The following KCNQ1 variants were observed in gnomAD, a reference collection of about 807,000 sequenced individuals.
The protein encoded by KCNQ1 is potassium voltage-gated channel subfamily Q member 1, also known as potassium voltage-gated channel subfamily KQT member 1.
A neutral mutation model predicts 72.4 loss-of-function variants in KCNQ1; 49 were observed. The ratio of observed to expected loss-of-function variants is 0.68; its 90% confidence interval spans 0.54 to 0.86. The LOEUF is 0.86. KCNQ1 is among the 40% of genes least tolerant of loss of function. The probability of loss-of-function intolerance (pLI) is 0.00; values close to 1 mark genes in which losing one functional copy is unlikely to be tolerated. For synonymous variants in KCNQ1, 450 were observed against 412.6 expected (o/e 1.09, Z -1.10); for missense variants, 790 against 945.1 (o/e 0.84, Z 2.15).
chr11:2,648,041 C>T (rs1849693254), intron 10 of KCNQ1: 1 of 393,130 alleles, frequency 2.5e-6, no homozygotes, highest in East Asian at 3.6e-5. Context: ...TGGCAAACCC[C>T]CATCTCTACC....
At chr11:2,528,724 G>A (rs1589931573) in intron 2 of KCNQ1, among the ~76,000 whole-genome samples, 1 of 152,228 alleles carries the variant, frequency 6.6e-6, no homozygotes, top group African/African-American at 2.4e-5. Context: ...TTCCTGTCTT[G>A]TCGTGGAATA....
chr11:2,604,784 C>G (rs945887283), intron 10 of KCNQ1, among the ~76,000 whole-genome samples: 1 of 152,080 alleles, frequency 6.6e-6, no homozygotes, highest in Non-Finnish European at 1.5e-5. Context: ...ACCTCGTGAT[C>G]CACCCGCCTT....
chr11:2,543,909 T>A lies in KCNQ1; in HGVS notation c.477+15891T>A, dbSNP rs922526164. Among the ~76,000 whole-genome samples, 1 of 152,202 alleles carries A rather than the reference T, an allele frequency of 6.6e-6. No homozygotes were observed. Among genetic ancestry groups the A allele is most frequent in the African/African-American group, 2.4e-5 (1 of 41,452 alleles). ...TCCTTTTAAGAGGTTCAGTTTATCA[T>A]AAAATTGTCTCTTTCTGGACACTCT... On this transcript the variant is annotated intron_variant, in intron 2 of 15. Transcript: ENST00000155840. This position sits in a 1 kb window ranked among gnomAD's most constrained non-coding sequence, Gnocchi z 5.6.
chr11:2,465,105 C>T (rs890819865), intron 1 of KCNQ1, among the ~76,000 whole-genome samples: 32 of 152,248 alleles, frequency 2.1e-4, no homozygotes, highest in Non-Finnish European at 3.4e-4. Flanking sequence ...AAAATGCAGT[C>T]CCTCCAGAGC....
At chr11:2,449,484 G>T (rs1185722872) in intron 1 of KCNQ1, among the ~76,000 whole-genome samples, 2 of 152,232 alleles carry the variant, frequency 1.3e-5, no homozygotes, top group Non-Finnish European at 1.5e-5. Context: ...GGGCCGGCCA[G>T]TGCGGGGTCA....
At chr11:2,578,421 T>C (rs1201810866) in intron 6 of KCNQ1, among the ~76,000 whole-genome samples, 2 of 152,210 alleles carry the variant, frequency 1.3e-5, no homozygotes, top group Non-Finnish European at 2.9e-5. Flanking sequence ...CTGGAACCAC[T>C]GAGACAGGCA....
At chr11:2,701,375 C>G (rs893456400) in intron 11 of KCNQ1, among the ~76,000 whole-genome samples, 6 of 152,188 alleles carry the variant, frequency 3.9e-5, no homozygotes, top group Non-Finnish European at 5.9e-5. Context: ...AGTGACACAT[C>G]CCCTGGGCGC....
At chr11:2,729,422 T>G (rs966131471) in intron 11 of KCNQ1, among the ~76,000 whole-genome samples, 1 of 152,224 alleles carries the variant, frequency 6.6e-6, no homozygotes, top group Non-Finnish European at 1.5e-5. Context: ...CCACAAATAC[T>G]GAATGCCTGC....
rs1453916768 is a variant in KCNQ1, at chr11:2,723,230, C to T, written c.1515-45614C>T. On this transcript the variant is annotated intron_variant, in intron 11 of 15. Coordinates refer to ENST00000155840, the MANE Select transcript of KCNQ1 (RefSeq NM_000218.3). The surrounding 1 kb of genome is among the most constrained non-coding windows in gnomAD (Gnocchi z 4.2). ...TCCACACACCTGCCACAGCTGCTTA[C>T]CCCACTCCCTGCCGCCCTGGACAAG... Among the ~76,000 whole-genome samples the T allele has an allele frequency of 6.6e-6, 1 of 152,228 alleles. No homozygotes were observed. The highest frequency in any genetic ancestry group is 1.5e-5 in the Non-Finnish European group (1 of 68,036).
chr11:2,571,381 G>T lies in KCNQ1; in HGVS notation c.661G>T (p.Val221Leu). The change falls in exon 4 of 16, where the codon GTG (valine) becomes TTG (leucine). Residue 221 changes from valine (V) to leucine (L), a missense_variant. Val to Leu is a conservative substitution (Grantham distance 32). Transcript: ENST00000155840. ...VVLCVGSKGQVFATSAIRGIR... is the reference protein window; with the variant it reads ...VVLCVGSKGQLFATSAIRGIR... ...CCTCTGCGTGGGCTCCAAGGGGCAG[G>T]TGTTTGCCACGTCGGCCATCAGGTG... The T allele has an allele frequency of 6.2e-7, 1 of 1,612,654 alleles. No individual in the cohort carries two copies.
chr11:2,707,499 G>A (rs1850929678), intron 11 of KCNQ1, among the ~76,000 whole-genome samples: 2 of 151,982 alleles, frequency 1.3e-5, no homozygotes, highest in Admixed American at 1.3e-4. Flanking sequence ...CTTACTCCTA[G>A]CTGGTGTTCT....
At position 2,553,254 on chromosome 11, in the gene KCNQ1, T is replaced by G. The variant is rs532783036; in HGVS notation, c.478-17374T>G. On this transcript the variant is annotated intron_variant, in intron 2 of 15. Coordinates refer to ENST00000155840, the MANE Select transcript of KCNQ1 (RefSeq NM_000218.3). The stretch of plus-strand genomic sequence containing the variant: ...AATTAAGTCAGTCTTATTTTTGCCT[T>G]TTCAGTCCATATACTATTTATTTCT... Among the ~76,000 whole-genome samples the G allele has an allele frequency of 2.0e-5, 3 of 152,246 alleles. No homozygotes were observed. In the East Asian group the frequency reaches 5.8e-4, roughly 29 times the overall value.
chr11:2,458,428 G>A lies in KCNQ1; in HGVS notation c.386+12944G>A, dbSNP rs1395786978. ...ATTAACCTGTGAACTGTAACTCGGG[G>A]AAACCCAGTAGCTGATGGGGTTGCG... On this transcript the variant is annotated intron_variant, in intron 1 of 15. Transcript: ENST00000155840. The surrounding 1 kb of genome is among the most constrained non-coding windows in gnomAD (Gnocchi z 4.6). Among the ~76,000 whole-genome samples the A allele has an allele frequency of 6.6e-6, 1 of 152,224 alleles. No individual in the cohort carries two copies. The highest frequency in any genetic ancestry group is 2.4e-5 in the African/African-American group (1 of 41,452).
intron 11 of KCNQ1, chr11:2,699,758 GCCGCGCTGAGGAGCCCCGAGGAGAA>G (rs1221522852): frequency 5.6e-6 from 2 of 358,774 alleles, no homozygotes; most frequent in Non-Finnish European, 9.5e-6. Flanking sequence ...CCAGAAGAGC[GCCGCGCTGAGGAGCCCCGAGGAGAA>G]CCGCGCCGAG....
intron 15 of KCNQ1, among the ~76,000 whole-genome samples, chr11:2,829,228 G>C (rs1272783658): frequency 6.6e-6 from 1 of 152,136 alleles, no homozygotes; most frequent in Non-Finnish European, 1.5e-5. Context: ...TTTTCAACAT[G>C]AGTGAAAGAA....
chr11:2,649,891 C>G (rs1849731238), intron 10 of KCNQ1: 5 of 398,294 alleles, frequency 1.3e-5, no homozygotes, highest in Non-Finnish European at 2.2e-5. Flanking sequence ...TTTTCTGGTC[C>G]TTATCCCAAC....
rs571311494 is a variant in KCNQ1, at chr11:2,543,671, G to C, written c.477+15653G>C. 4.9e-4 allele frequency among the ~76,000 whole-genome samples: 74 copies of C among 152,204 alleles called. No individual in the cohort carries two copies. The highest frequency in any genetic ancestry group is 1.7e-3 in the African/African-American group (69 of 41,528). On this transcript the variant is annotated intron_variant, in intron 2 of 15. Coordinates refer to ENST00000155840, the MANE Select transcript of KCNQ1 (RefSeq NM_000218.3). The surrounding 1 kb of genome is among the most constrained non-coding windows in gnomAD (Gnocchi z 5.6). ...TTTCATGCTTTTCACATTCTATTTA[G>C]GAAATGCTTACCAAACACACTCTTA...
At position 2,571,422 on chromosome 11, in the gene KCNQ1, C is replaced by A. The variant is rs372777085; in HGVS notation, c.683+19C>A. On this transcript the variant is annotated intron_variant, in intron 4 of 15. Transcript: ENST00000155840. The stretch of plus-strand genomic sequence containing the variant: ...CCATCAGGTGCGTCTGTGCCACAAG[C>A]TCCCCCCGCCATGCCGCCCCACCCC... 4 of 1,599,108 alleles carry A rather than the reference C, an allele frequency of 2.5e-6. No homozygotes were observed. Among genetic ancestry groups the A allele is most frequent in the Admixed American group, 1.7e-5 (1 of 59,768 alleles).
chr11:2,587,602 C>T lies in KCNQ1; in HGVS notation c.1161C>T (p.Pro387=), dbSNP rs772078282. ...TAWRCYAAEN[P]DSSTWKIYIR... is the part of the protein sequence containing the mutation. ...GGAGGTGCTATGCTGCCGAGAACCC[C>T]GACTCCTCCACCTGGAAGATCTACA... is the stretch of plus-strand genomic sequence containing the variant. The change falls in exon 9 of 16, where the codon CCC becomes CCT. Residue 387 remains proline, a synonymous_variant. Coordinates refer to ENST00000155840, the MANE Select transcript of KCNQ1 (RefSeq NM_000218.3). The T allele has an allele frequency of 1.5e-5, 24 of 1,613,720 alleles. No homozygotes were observed. Among genetic ancestry groups the T allele is most frequent in the East Asian group, 2.2e-5 (1 of 44,876 alleles).
Sources: allele counts gnomAD v4.1 joint callset (sites outside exome capture counted in the v4.1 genomes callset), GRCh38; gene constraint gnomAD v4.1.1; non-coding constraint Gnocchi (gnomAD v3.1); transcripts MANE v1.5; gene names NCBI Gene and HGNC (gene_info 2026-07-23, HGNC 2026-07-21).